The following CACNA2D3 variants were observed in gnomAD, a reference collection of about 807,000 sequenced individuals.
CACNA2D3 encodes the protein calcium voltage-gated channel auxiliary subunit alpha2delta 3, also known as voltage-dependent calcium channel subunit alpha-2/delta-3.
CACNA2D3 carries 60 observed loss-of-function variants against 160.6 expected under a neutral mutation model. That is an observed-to-expected ratio of 0.37 (90% CI 0.30 to 0.46). The LOEUF is 0.46. Ranked by LOEUF, CACNA2D3 falls within the 20% of genes least tolerant of loss-of-function variation. The pLI is 1.00. For synonymous variants in CACNA2D3, 558 were observed against 492.9 expected (o/e 1.13, Z -1.75); for missense variants, 1,205 against 1,365.0 (o/e 0.88, Z 1.85).
At position 54,760,006 on chromosome 3, in the gene CACNA2D3, C is replaced by G. The variant is rs139515909; in HGVS notation, c.1247-4212C>G. Among the ~76,000 whole-genome samples, 26 of 152,338 alleles carry G rather than the reference C, an allele frequency of 1.7e-4. No homozygotes were observed. The East Asian group carries it at 5.0e-3, about 29-fold the overall frequency. Reference sequence around the variant, plus strand: ...AAGGCAAGGTGGATCTCAGTAAGACCTCAGTGAATGTTCCCACCTTACTAA... The same window carrying G: ...AAGGCAAGGTGGATCTCAGTAAGACGTCAGTGAATGTTCCCACCTTACTAA... On this transcript the variant is annotated intron_variant, in intron 12 of 37. Transcript: ENST00000474759.
chr3:54,463,996 A>C (rs2106852070), intron 4 of CACNA2D3, among the ~76,000 whole-genome samples: 1 of 152,224 alleles, frequency 6.6e-6, no homozygotes, highest in East Asian at 1.9e-4. Flanking sequence ...ACCATACAGG[A>C]CCCTCAGCTG....
At chr3:54,626,776 G>A (rs886660226) in intron 9 of CACNA2D3, 2 of 624,554 alleles carry the variant, frequency 3.2e-6, no homozygotes, top group African/African-American at 3.7e-5. Context: ...GTGCCACCAT[G>A]GGTGTGGGCT....
At chr3:54,682,384 T>C (rs1274419228) in intron 11 of CACNA2D3, among the ~76,000 whole-genome samples, 1 of 152,156 alleles carries the variant, frequency 6.6e-6, no homozygotes, top group African/African-American at 2.4e-5. Flanking sequence ...CCCAGCACTT[T>C]GGGAGGTCAA....
intron 13 of CACNA2D3, among the ~76,000 whole-genome samples, chr3:54,768,174 G>T (rs368525522): frequency 6.6e-6 from 1 of 152,172 alleles, no homozygotes; most frequent in South Asian, 2.1e-4. Context: ...GGGGGAAAAA[G>T]TGGCACCTGA....
At chr3:54,852,203 G>T (rs887503053) in intron 17 of CACNA2D3, among the ~76,000 whole-genome samples, 1 of 152,212 alleles carries the variant, frequency 6.6e-6, no homozygotes, top group East Asian at 1.9e-4. Context: ...AGGTTGCCCA[G>T]AATTCAAGGG....
At chr3:54,770,384 T>G (rs1702299263) in intron 13 of CACNA2D3, among the ~76,000 whole-genome samples, 1 of 152,250 alleles carries the variant, frequency 6.6e-6, no homozygotes, top group Admixed American at 6.5e-5. Context: ...TAAGCGATTC[T>G]GACGATTCAA....
chr3:54,259,773 CAG>C (rs757066819), intron 2 of CACNA2D3, among the ~76,000 whole-genome samples: 4 of 152,164 alleles, frequency 2.6e-5, no homozygotes, highest in Non-Finnish European at 5.9e-5. Flanking sequence ...TTAGTTGAAA[CAG>C]AAGCCTGCCA....
At chr3:54,884,305 G>GT (rs1575529936) in intron 21 of CACNA2D3, among the ~76,000 whole-genome samples, 2 of 152,222 alleles carry the variant, frequency 1.3e-5, no homozygotes, top group East Asian at 3.9e-4. Context: ...CATTCAGCCT[G>GT]TAGGTGTTGG....
intron 11 of CACNA2D3, among the ~76,000 whole-genome samples, chr3:54,736,767 G>A (rs778323527): frequency 6.6e-6 from 1 of 152,184 alleles, no homozygotes; most frequent in African/African-American, 2.4e-5. Context: ...ATGTCATAAT[G>A]TAGCAATTAA....
intron 14 of CACNA2D3, among the ~76,000 whole-genome samples, chr3:54,817,376 A>G (rs1375259610): frequency 2.0e-5 from 3 of 152,174 alleles, no homozygotes; most frequent in Non-Finnish European, 4.4e-5. Flanking sequence ...TTTCTTGCCA[A>G]TGGCCAGACC....
At chr3:54,778,172 CT>C (rs1052737009) in intron 13 of CACNA2D3, among the ~76,000 whole-genome samples, 2 of 152,130 alleles carry the variant, frequency 1.3e-5, no homozygotes, top group African/African-American at 4.8e-5. Context: ...CTGCTACACA[CT>C]TTTAAACAAC....
intron 4 of CACNA2D3, among the ~76,000 whole-genome samples, chr3:54,495,672 C>T (rs1701192088): frequency 6.6e-6 from 1 of 152,076 alleles, no homozygotes; most frequent in Non-Finnish European, 1.5e-5. Flanking sequence ...TCACTTGAAC[C>T]CAGGAGGCAG....
At chr3:54,851,473 C>T (rs1699056605) in intron 17 of CACNA2D3, among the ~76,000 whole-genome samples, 1 of 152,152 alleles carries the variant, frequency 6.6e-6, no homozygotes, top group Admixed American at 6.5e-5. Context: ...GAACTAGGAC[C>T]CTTAACCCCA....
chr3:54,972,817 A>G (rs6764886), intron 29 of CACNA2D3, among the ~76,000 whole-genome samples: 18,498 of 152,084 alleles, frequency 0.12, 1,494 homozygotes, highest in African/African-American at 0.22. Flanking sequence ...AAGGAGCTCC[A>G]TTTCACCCAG....
chr3:54,969,262 C>CTTTTTTT (rs66688757), intron 28 of CACNA2D3, among the ~76,000 whole-genome samples: 12 of 134,696 alleles, frequency 8.9e-5, no homozygotes, highest in Non-Finnish European at 1.4e-4. Flanking sequence ...ATAAAGTAGA[C>CTTTTTTT]TTTTTTTTTT....
intron 13 of CACNA2D3, among the ~76,000 whole-genome samples, chr3:54,785,332 A>G (rs77957951): frequency 0.036 from 5,471 of 152,306 alleles, 310 homozygotes; most frequent in African/African-American, 0.13. Flanking sequence ...AAGAATGGGA[A>G]GATTGGCCTT....
chr3:54,511,017 T>C (rs1330660374), intron 5 of CACNA2D3, among the ~76,000 whole-genome samples: 2 of 152,194 alleles, frequency 1.3e-5, no homozygotes, highest in East Asian at 1.9e-4. Flanking sequence ...ACTGTCCTCT[T>C]TTCCTGGCTA....
chr3:54,659,957 T>C (rs2106878570), intron 11 of CACNA2D3, among the ~76,000 whole-genome samples: 1 of 152,112 alleles, frequency 6.6e-6, no homozygotes, highest in South Asian at 2.1e-4. Context: ...TCCCTGCAAA[T>C]CCCCAACTGC....
At chr3:54,920,621 G>A (rs1218753506) in intron 27 of CACNA2D3, among the ~76,000 whole-genome samples, 1 of 152,182 alleles carries the variant, frequency 6.6e-6, no homozygotes, top group Non-Finnish European at 1.5e-5. Context: ...TCATTCCTCT[G>A]CACCTGACCA....
Sources: gnomAD v4.1 joint callset for allele counts (sites outside exome capture counted in the v4.1 genomes callset) on GRCh38, gnomAD v4.1.1 for gene constraint, MANE v1.5 for transcripts, NCBI Gene and HGNC (gene_info 2026-07-23, HGNC 2026-07-21) for gene names.